The following ATAD2 variants were observed in gnomAD, a reference collection of about 807,000 sequenced individuals.
ATAD2 encodes the protein ATPase family AAA domain containing 2.
A neutral mutation model predicts 168.9 loss-of-function variants in ATAD2; 62 were observed. The observed-to-expected ratio is 0.37, with a 90% CI of 0.30 to 0.45. The LOEUF (loss-of-function observed/expected upper bound fraction) is 0.45. Among genes scored for constraint, ATAD2 ranks in the 20% least tolerant of loss-of-function variants. ATAD2 has a pLI of 1.00. For missense variants in ATAD2, 1,419 were observed against 1,667.8 expected (o/e 0.85, Z 2.60); for synonymous variants, 613 against 571.6 (o/e 1.07, Z -1.03).
At position 123,387,872 on chromosome 8, in the gene ATAD2, G is replaced by C. The variant is rs151006769; in HGVS notation, c.172-7195C>G. Among the ~76,000 whole-genome samples the C allele has an allele frequency of 9.2e-5, 14 of 152,230 alleles. No homozygotes were observed. In the East Asian group the frequency reaches 1.2e-3, roughly 13 times the overall value. On this transcript the variant is annotated intron_variant, in intron 1 of 27. Transcript: ENST00000287394. ...TTCATTTTTTAAAAAGCATGTTTGGGGGGGAGGTCAGTTGTTTGAGTCAAT... is the reference window on the plus strand; with the variant it reads ...TTCATTTTTTAAAAAGCATGTTTGGCGGGGAGGTCAGTTGTTTGAGTCAAT...
intron 24 of ATAD2, among the ~76,000 whole-genome samples, chr8:123,332,607 G>A (rs1469115982): frequency 1.3e-5 from 2 of 152,078 alleles, no homozygotes; most frequent in Admixed American, 6.5e-5. Flanking sequence ...TGTAGTTGAC[G>A]TTTAAGGATT....
At position 123,333,866 on chromosome 8, in the gene ATAD2, T is replaced by C. The variant is rs1006353711; in HGVS notation, c.3478+12A>G. 3.2e-5 allele frequency: 51 copies of C among 1,593,580 alleles called. No homozygotes were observed. Among genetic ancestry groups the C allele is most frequent in the Non-Finnish European group, 3.9e-5 (46 of 1,170,346 alleles). ...TTATAATTTCATAAATGAAAACTAC[T>C]TGAGTACTTACCAGGAGTGCTGCAA... On this transcript the variant is annotated intron_variant, in intron 24 of 27. Coordinates refer to ENST00000287394, the MANE Select transcript of ATAD2 (RefSeq NM_014109.4).
In ATAD2 at chr8:123,380,511, T is replaced by C. The variant is rs771815146; in HGVS notation, c.320+18A>G. 6 of 1,611,518 alleles carry C rather than the reference T, an allele frequency of 3.7e-6. No individual in the cohort carries two copies. The Admixed American group carries it at 1.0e-4, about 27-fold the overall frequency. The stretch of plus-strand genomic sequence containing the variant: ...CTTTAAAACTATTTTGAATTAGTGT[T>C]CAACCACCTTGTATTACCTTGTAAA... On this transcript the variant is annotated intron_variant, in intron 2 of 27. Coordinates refer to ENST00000287394, the MANE Select transcript of ATAD2 (RefSeq NM_014109.4).
intron 19 of ATAD2, among the ~76,000 whole-genome samples, chr8:123,344,344 C>CCT: frequency 7.9e-6 from 1 of 125,862 alleles, no homozygotes; most frequent in Non-Finnish European, 1.7e-5. Context: ...TTTTTAAATA[C>CCT]TTTTTTTTTT....
chr8:123,345,135 T>C, intron 18 of ATAD2, 66 bp from the exon 19 acceptor site: 1 of 1,431,128 alleles, frequency 7.0e-7, no homozygotes, highest in Non-Finnish European at 9.4e-7. Flanking sequence ...GTTCTATTAG[T>C]CTGAAACAAT....
chr8:123,324,356 T>C (rs996192744), intron 26 of ATAD2, among the ~76,000 whole-genome samples: 14 of 152,222 alleles, frequency 9.2e-5, no homozygotes, highest in African/African-American at 3.4e-4. Flanking sequence ...CTGATAAACA[T>C]ATAATGTTTT....
intron 1 of ATAD2, among the ~76,000 whole-genome samples, chr8:123,409,212 G>A (rs754712085): frequency 1.3e-5 from 2 of 152,108 alleles, no homozygotes; most frequent in Non-Finnish European, 2.9e-5. Flanking sequence ...GTTTTCCCAT[G>A]TAAGGTATGG....
At chr8:123,344,633 C>T in intron 19 of ATAD2, 1 of 389,146 alleles carries the variant, frequency 2.6e-6, no homozygotes, top group Non-Finnish European at 4.8e-6. Flanking sequence ...AGGCGTGAGC[C>T]ACTGCACCCG....
At chr8:123,371,034 T>C (rs1457763801) in intron 5 of ATAD2, 44 bp from the exon 6 acceptor site, 4 of 1,425,914 alleles carry the variant, frequency 2.8e-6, no homozygotes, top group African/African-American at 1.5e-5. Context: ...GGAATCTATT[T>C]ATTAAAAAAA....
Position 123,320,901 on chromosome 8 carries a change from T to A in ATAD2, c.*233A>T, listed in dbSNP as rs957414933. On this transcript the variant is annotated 3_prime_UTR_variant, in exon 28 of 28. Coordinates refer to ENST00000287394, the MANE Select transcript of ATAD2 (RefSeq NM_014109.4). Reference sequence around the variant, plus strand: ...GAGTTGGCCAAACTTCAACTATTATTACTATTACTACAGGGTCTTGTTCTA... The same window carrying A: ...GAGTTGGCCAAACTTCAACTATTATAACTATTACTACAGGGTCTTGTTCTA... 2.4e-6 allele frequency: 1 copy of A among 418,428 alleles called. No homozygotes were observed. The highest frequency in any genetic ancestry group is 2.1e-5 in the African/African-American group (1 of 48,020). The allele number at this position is 418,428 out of a possible 1,614,324, so 25.9% of individuals were successfully genotyped here.
At chr8:123,400,785 G>C (rs1407218284), upstream of ATAD2, 32 of 867,140 alleles carry the variant, frequency 3.7e-5, no homozygotes, top group South Asian at 5.2e-5. This position sits in a 1 kb window ranked among gnomAD's most constrained non-coding sequence, Gnocchi z 4.5. Context: ...CCTCCTCCAT[G>C]GACACTGTGA....
intron 24 of ATAD2, among the ~76,000 whole-genome samples, chr8:123,332,855 T>C (rs1485471083): frequency 2.7e-5 from 1 of 37,662 alleles, no homozygotes; most frequent in Non-Finnish European, 1.9e-4. Flanking sequence ...CATATATATA[T>C]ATTCTTGCTT....
At position 123,396,209 on chromosome 8, in the gene ATAD2, G is replaced by C. The variant is rs536611095; in HGVS notation, c.149C>G (p.Ala50Gly). The change falls in exon 1 of 28, where the codon GCG (alanine) becomes GGG (glycine). Residue 50 changes from alanine (A) to glycine (G), a missense_variant. Physicochemically the swap from Ala to Gly is moderately conservative, Grantham distance 60 (BLOSUM62 0). Around this residue, in one of 5 missense-constraint regions of ATAD2, gnomAD observed 419 missense variants for 423.5 expected, o/e 0.99. Transcript: ENST00000287394. ...CACGCCCGCTTTGGCTGTGGTCGCC[G>C]CGGGTTTCTTCTGCGCCGCGCCGGC... is the stretch of plus-strand genomic sequence containing the variant. Reference protein sequence around the residue: ...RSAGAAQKKPAATTAKAGDGS... With the variant: ...RSAGAAQKKPGATTAKAGDGS... 99 of 1,588,514 alleles carry C rather than the reference G, an allele frequency of 6.2e-5. No individual in the cohort carries two copies. In the South Asian group the frequency reaches 7.5e-4, roughly 12 times the overall value.
chr8:123,354,281 T>C (rs1379333205), intron 13 of ATAD2, among the ~76,000 whole-genome samples: 1 of 152,256 alleles, frequency 6.6e-6, no homozygotes, highest in Non-Finnish European at 1.5e-5. Context: ...AAGTGCAGAA[T>C]ACAGTTTAAT....
At chr8:123,348,832 G>C in intron 14 of ATAD2, among the ~76,000 whole-genome samples, 1 of 152,086 alleles carries the variant, frequency 6.6e-6, no homozygotes, top group Non-Finnish European at 1.5e-5. Context: ...ACAAATAAGA[G>C]AAAAGTAACT....
chr8:123,385,089 C>T lies in ATAD2; in HGVS notation c.172-4412G>A, dbSNP rs558087516. ...ATTTAGGTACCTCCAAACTTGAATT[C>T]ACCTGTGTAAAACATTTTAAAAGGA... On this transcript the variant is annotated intron_variant, in intron 1 of 27. Coordinates refer to ENST00000287394, the MANE Select transcript of ATAD2 (RefSeq NM_014109.4). 3.9e-5 allele frequency among the ~76,000 whole-genome samples: 6 copies of T among 152,252 alleles called. 1 individual carries two copies. In the East Asian group the frequency reaches 9.6e-4, roughly 24 times the overall value.
chr8:123,344,695 C>T (rs1828178502), intron 19 of ATAD2, 189 bp downstream of exon 19: 6 of 611,590 alleles, frequency 9.8e-6, no homozygotes, highest in African/African-American at 3.7e-5. Context: ...TTAATATATA[C>T]ATACACATAT....
Position 123,320,669 on chromosome 8 carries a change from T to G in ATAD2, c.*465A>C, listed in dbSNP as rs984007057. The G allele has an allele frequency of 3.2e-5, 5 of 157,642 alleles. No homozygotes were observed. Among genetic ancestry groups the G allele is most frequent in the African/African-American group, 1.2e-4 (5 of 41,464 alleles). The allele number at this position is 157,642 out of a possible 1,614,324, so 9.8% of individuals were successfully genotyped here. A position where few individuals can be genotyped will look rare whatever the true frequency, so the allele number is the denominator to read the frequency against. ...GCTTTTAAGTGAAGACGAGGGAATC[T>G]CAAGGCAGATGGGAGGAGGGCATTT... On this transcript the variant is annotated 3_prime_UTR_variant, in exon 28 of 28. Transcript: ENST00000287394.
intron 19 of ATAD2, 68 bp from the exon 20 acceptor site, chr8:123,339,514 T>A (rs968654909): frequency 1.4e-6 from 2 of 1,385,548 alleles, no homozygotes; most frequent in Non-Finnish European, 2.0e-6. Context: ...AATGGTTCAA[T>A]TTACAATTTT....
Sources: allele counts gnomAD v4.1 joint callset (sites outside exome capture counted in the v4.1 genomes callset), GRCh38; gene constraint gnomAD v4.1.1; regional missense constraint gnomAD v4.1.1; non-coding constraint Gnocchi (gnomAD v3.1); transcripts MANE v1.5; gene names NCBI Gene and HGNC (gene_info 2026-07-23, HGNC 2026-07-21).